SMYD5: variants seen among roughly 807,000 people sequenced by gnomAD.
The protein encoded by SMYD5 is SMYD family member 5.
Under a neutral mutation model 57.4 loss-of-function variants are expected in SMYD5, and 35 were observed. That is an observed-to-expected ratio of 0.61 (90% CI 0.47 to 0.81). The LOEUF is 0.81. Ranked by LOEUF, SMYD5 falls within the 30% of genes least tolerant of loss-of-function variation. The pLI is 0.00. For missense variants in SMYD5, 471 were observed against 527.9 expected (o/e 0.89, Z 1.06); for synonymous variants, 198 against 189.7 (o/e 1.04, Z -0.36).
chr2:73,225,129 A>G (rs1205983157), intron 11 of SMYD5, 169 bp downstream of exon 11: 1 of 573,456 alleles, frequency 1.7e-6, no homozygotes, highest in East Asian at 2.9e-5. Flanking sequence ...TTCTAACCCT[A>G]CCTCGCTTTT....
At chr2:73,224,759 C>T (rs1686466540) in intron 10 of SMYD5, 107 bp from the exon 11 acceptor site, 2 of 856,596 alleles carry the variant, frequency 2.3e-6, no homozygotes, top group Non-Finnish European at 3.7e-6. Context: ...AAAACGTGCT[C>T]AGCCTTGGCA....
At chr2:73,214,643 G>A (rs941961633) in intron 1 of SMYD5, 9 of 1,493,888 alleles carry the variant, frequency 6.0e-6, no homozygotes, top group Middle Eastern at 2.2e-4. Flanking sequence ...GGCGGGGCTA[G>A]GGGGCTTTGC....
At chr2:73,219,472 C>T (rs546998571) in intron 2 of SMYD5, among the ~76,000 whole-genome samples, 45 of 152,280 alleles carry the variant, frequency 3.0e-4, no homozygotes, top group Non-Finnish European at 4.4e-4. Flanking sequence ...ACCTCTGCCT[C>T]CTAGGTTCAA....
At chr2:73,220,317 A>C in intron 3 of SMYD5, 127 bp downstream of exon 3, 1 of 1,042,768 alleles carries the variant, frequency 9.6e-7, no homozygotes, top group Non-Finnish European at 1.4e-6. Flanking sequence ...ATGTAGGATA[A>C]GATGTTGAAA....
Position 73,221,155 on chromosome 2 carries a change from C to A in SMYD5, c.468-10C>A. ...GAATTTCTAGGCCAATCTTTTTTCT[C>A]TTTCCCCAGGAGTATTCACTACCCA... On this transcript the variant is annotated splice_polypyrimidine_tract_variant and intron_variant, in intron 4 of 12. Coordinates refer to ENST00000389501, the MANE Select transcript of SMYD5 (RefSeq NM_006062.3). The A allele has an allele frequency of 6.2e-7, 1 of 1,612,868 alleles. No homozygotes were observed. Among genetic ancestry groups the A allele is most frequent in the South Asian group, 1.1e-5 (1 of 91,044 alleles).
At chr2:73,218,113 T>C (rs1202846457) in intron 1 of SMYD5, among the ~76,000 whole-genome samples, 1 of 152,152 alleles carries the variant, frequency 6.6e-6, no homozygotes, top group Non-Finnish European at 1.5e-5. Context: ...GTACCCTCAT[T>C]GAGTAGGAAG....
At position 73,223,446 on chromosome 2, in the gene SMYD5, A is replaced by ATG. The variant is rs753696706; in HGVS notation, c.798_799dup (p.Ala267ValfsTer8). 1.9e-6 allele frequency: 3 copies of ATG among 1,613,930 alleles called. No homozygotes were observed. The East Asian group carries it at 6.7e-5, about 36-fold the overall frequency. On this transcript the variant is annotated frameshift_variant, in exon 9 of 13. Transcript: ENST00000389501. LOFTEE classifies it high-confidence loss of function. ...CCCAGCTCCCTAAGCCAGTGGGTCCATGCCTGTGACACTCTGGAGTTGAAG... is the reference window on the plus strand; with the variant it reads ...CCCAGCTCCCTAAGCCAGTGGGTCCATGTGCCTGTGACACTCTGGAGTTGAAG...
intron 1 of SMYD5, 29 bp downstream of exon 1, chr2:73,214,391 C>A: frequency 6.2e-7 from 1 of 1,612,148 alleles, no homozygotes; most frequent in Non-Finnish European, 8.5e-7. Context: ...CTGCCGGGAG[C>A]CTCTCCCCAG....
At chr2:73,216,617 C>T (rs1686297006) in intron 1 of SMYD5, among the ~76,000 whole-genome samples, 1 of 152,160 alleles carries the variant, frequency 6.6e-6, no homozygotes, top group Non-Finnish European at 1.5e-5. Context: ...ATTGCTTGAA[C>T]CCAGGAGGCA....
intron 3 of SMYD5, 102 bp downstream of exon 3, chr2:73,220,292 C>T: frequency 8.0e-7 from 1 of 1,253,658 alleles, no homozygotes; most frequent in Non-Finnish European, 1.1e-6. Flanking sequence ...CTGGTCATGG[C>T]CCTTGAAAAC....
chr2:73,214,521 C>T (rs1008919797), intron 1 of SMYD5, 159 bp downstream of exon 1: 4 of 1,483,214 alleles, frequency 2.7e-6, no homozygotes, highest in African/African-American at 2.8e-5. Flanking sequence ...TGTCCCTGCG[C>T]GCAGGCTCGT....
Position 73,220,095 on chromosome 2 carries a change from GC to G in SMYD5, c.253del (p.Gln85ArgfsTer3). The G allele has an allele frequency of 6.2e-7, 1 of 1,614,194 alleles. No individual in the cohort carries two copies. Among genetic ancestry groups the G allele is most frequent in the Non-Finnish European group, 8.5e-7 (1 of 1,180,040 alleles). On this transcript the variant is annotated frameshift_variant, in exon 3 of 13. Coordinates refer to ENST00000389501, the MANE Select transcript of SMYD5 (RefSeq NM_006062.3). LOFTEE classifies it high-confidence loss of function. ...LRALEKAEENAQRLTGKPGQV... is the reference protein window; with the variant it reads ...LRALEKAEENXQRLTGKPGQV... ...GGCACTAGAGAAGGCAGAGGAGAAT[GC>G]CCAGAGGCTGACCGGGAAACCAGGC...
At position 73,225,801 on chromosome 2, in the gene SMYD5, ACTAT is replaced by A. The variant is rs1314131541; in HGVS notation, c.1117_1120del (p.Phe374SerfsTer16). 1.2e-6 allele frequency: 2 copies of A among 1,614,026 alleles called. No individual in the cohort carries two copies. The highest frequency in any genetic ancestry group is 1.7e-6 in the Non-Finnish European group (2 of 1,180,018). On this transcript the variant is annotated frameshift_variant, in exon 13 of 13. Coordinates refer to ENST00000389501, the MANE Select transcript of SMYD5 (RefSeq NM_006062.3). LOFTEE classifies it high-confidence loss of function. ...ACCATCCCCCACCGCTGCAGGGAGA[ACTAT>A]CTATTTGTCTGTTCCTGTCCCAAAT...
chr2:73,221,790 G>GT (rs1362675340), intron 5 of SMYD5, 36 bp from the exon 6 acceptor site: 2 of 1,440,512 alleles, frequency 1.4e-6, no homozygotes, highest in Non-Finnish European at 2.0e-6. Context: ...GAGAAGGTGG[G>GT]TATCTGTGAC....
At chr2:73,219,412 G>A (rs1438069738) in intron 2 of SMYD5, among the ~76,000 whole-genome samples, 2 of 151,982 alleles carry the variant, frequency 1.3e-5, no homozygotes, top group East Asian at 1.9e-4. Flanking sequence ...ACGGAGTTTC[G>A]CTCTTGTCAC....
chr2:73,215,843 T>A (rs1271275708), intron 1 of SMYD5, among the ~76,000 whole-genome samples: 1 of 152,190 alleles, frequency 6.6e-6, no homozygotes, highest in Non-Finnish European at 1.5e-5. Context: ...CCTGGGCTTT[T>A]TGCTTCTCTA....
chr2:73,215,851 C>T (rs1404600110), intron 1 of SMYD5, among the ~76,000 whole-genome samples: 1 of 152,132 alleles, frequency 6.6e-6, no homozygotes, highest in African/African-American at 2.4e-5. Flanking sequence ...TTTTGCTTCT[C>T]TATTCAAATG....
Position 73,223,936 on chromosome 2 carries a change from C to T in SMYD5, c.884-11C>T, listed in dbSNP as rs374491471. 14 of 1,612,884 alleles carry T rather than the reference C, an allele frequency of 8.7e-6. No individual in the cohort carries two copies. In the African/African-American group the frequency reaches 1.6e-4, roughly 18 times the overall value. On this transcript the variant is annotated splice_polypyrimidine_tract_variant and intron_variant, in intron 9 of 12. Transcript: ENST00000389501. ...TGGGTAGAATAATGTGTGTGTATTA[C>T]TGTCTTACAGCAACTGGAGAGTTTC...
In SMYD5 at chr2:73,224,906, A is replaced by G; in HGVS notation, c.981A>G (p.Pro327=). The change falls in exon 11 of 13, where the codon CCA becomes CCG. Residue 327 remains proline, a synonymous_variant. Transcript: ENST00000389501. ...TGCCCAATGCAGAGACCTCCTTTCC[A>G]GAAAACAACTTCCTTTTGCATGTCA... ...SCVPNAETSF[P]ENNFLLHVTA... 4 of 1,614,146 alleles carry G rather than the reference A, an allele frequency of 2.5e-6. No homozygotes were observed. Among genetic ancestry groups the G allele is most frequent in the Non-Finnish European group, 3.4e-6 (4 of 1,179,998 alleles).
Sources: allele counts gnomAD v4.1 joint callset (sites outside exome capture counted in the v4.1 genomes callset), GRCh38; gene constraint gnomAD v4.1.1; transcripts MANE v1.5; gene names NCBI Gene and HGNC (gene_info 2026-07-23, HGNC 2026-07-21).